Variants in CSMD1 observed in about 807,000 individuals in gnomAD.
CSMD1 encodes CUB and Sushi multiple domains 1.
In CSMD1, 213 loss-of-function variants were observed where a neutral mutation model predicts 417.5. That is an observed-to-expected ratio of 0.51 (90% CI 0.46 to 0.57). CSMD1 has a LOEUF of 0.57. CSMD1 is among the 20% of genes least tolerant of loss of function. The pLI is 0.00. For missense variants in CSMD1, 6,923 were observed against 4,529.7 expected (o/e 1.53, Z -15.17); for synonymous variants, 2,862 against 1,736.8 (o/e 1.65, Z -16.11).
chr8:3,101,047 C>T (rs13249187), intron 46 of CSMD1, among the ~76,000 whole-genome samples: 25,705 of 114,554 alleles, frequency 0.22, 2,353 homozygotes, highest in African/African-American at 0.26. Flanking sequence ...TCACTGAATA[C>T]GTATGGTGTT....
intron 2 of CSMD1, among the ~76,000 whole-genome samples, chr8:4,582,155 C>A (rs188327330): frequency 1.3e-5 from 2 of 151,984 alleles, no homozygotes; most frequent in East Asian, 3.9e-4. Flanking sequence ...CCTTCCCTGG[C>A]ATGTCTGTAG....
At chr8:3,747,074 TAAG>T (rs1797098645) in intron 6 of CSMD1, among the ~76,000 whole-genome samples, 1 of 152,176 alleles carries the variant, frequency 6.6e-6, no homozygotes, top group South Asian at 2.1e-4. Context: ...GTTCTGATGT[TAAG>T]TAGTGGGAGC....
intron 2 of CSMD1, among the ~76,000 whole-genome samples, chr8:4,467,985 G>A (rs952863353): frequency 2.0e-5 from 3 of 152,166 alleles, no homozygotes; most frequent in Non-Finnish European, 4.4e-5. Flanking sequence ...TAAGGACCCT[G>A]TCCTAAGCTG....
chr8:4,215,120 T>C (rs1367025269), intron 3 of CSMD1, among the ~76,000 whole-genome samples: 1 of 152,116 alleles, frequency 6.6e-6, no homozygotes. Flanking sequence ...AGGTCTCAGT[T>C]CTCAGGGTGC....
At chr8:3,682,847 G>T (rs1585069374) in intron 7 of CSMD1, among the ~76,000 whole-genome samples, 1 of 152,318 alleles carries the variant, frequency 6.6e-6, no homozygotes, top group African/African-American at 2.4e-5. Flanking sequence ...ATACACCATG[G>T]AATACTATGT....
intron 10 of CSMD1, among the ~76,000 whole-genome samples, chr8:3,573,891 T>A (rs1800041665): frequency 1.3e-5 from 2 of 152,174 alleles, no homozygotes; most frequent in South Asian, 2.1e-4. Context: ...CAGTTTTTTT[T>A]AAGTGAAATC....
intron 23 of CSMD1, among the ~76,000 whole-genome samples, chr8:3,321,143 C>G (rs968115079): frequency 2.6e-5 from 4 of 152,132 alleles, no homozygotes; most frequent in Non-Finnish European, 4.4e-5. Context: ...CCTGCACCCA[C>G]CATCAGGTGG....
intron 1 of CSMD1, among the ~76,000 whole-genome samples, chr8:4,698,408 G>C (rs1308126370): frequency 2.6e-5 from 4 of 152,180 alleles, no homozygotes; most frequent in East Asian, 1.9e-4. Context: ...GACCTCCAAA[G>C]CTCTGTTCTG....
chr8:3,478,952 G>C (rs1585224986), intron 11 of CSMD1, among the ~76,000 whole-genome samples: 1 of 151,948 alleles, frequency 6.6e-6, no homozygotes, highest in Admixed American at 6.5e-5. Flanking sequence ...ATAGGTGACG[G>C]GGCACTGCAA....
intron 5 of CSMD1, among the ~76,000 whole-genome samples, chr8:3,861,068 G>C (rs1243272506): frequency 6.6e-6 from 1 of 152,054 alleles, no homozygotes; most frequent in Admixed American, 6.6e-5. Flanking sequence ...TCCTTTTTCA[G>C]TATCAGCTGT....
At chr8:3,400,614 G>T (rs905479423) in intron 15 of CSMD1, among the ~76,000 whole-genome samples, 1 of 151,848 alleles carries the variant, frequency 6.6e-6, no homozygotes, top group South Asian at 2.1e-4. Context: ...TTGAAGTAAC[G>T]TTTGGAAATT....
At chr8:3,107,516 G>T (rs75508380) in intron 45 of CSMD1, among the ~76,000 whole-genome samples, 1 of 152,158 alleles carries the variant, frequency 6.6e-6, no homozygotes, top group Non-Finnish European at 1.5e-5. Context: ...TCATGGTAAT[G>T]AAGAGGGACA....
chr8:4,160,792 G>T (rs564444599), intron 3 of CSMD1, among the ~76,000 whole-genome samples: 1 of 152,224 alleles, frequency 6.6e-6, no homozygotes, highest in East Asian at 1.9e-4. Context: ...TTTTACCCGT[G>T]AAGGTGGTGT....
intron 1 of CSMD1, among the ~76,000 whole-genome samples, chr8:4,893,335 T>G (rs879540416): frequency 2.6e-5 from 4 of 152,096 alleles, no homozygotes; most frequent in Non-Finnish European, 4.4e-5. Flanking sequence ...TTTATGTTGT[T>G]TAGTATTTTT....
At chr8:3,264,166 C>G (rs1022175095) in intron 26 of CSMD1, among the ~76,000 whole-genome samples, 2 of 152,074 alleles carry the variant, frequency 1.3e-5, no homozygotes, top group South Asian at 2.1e-4. Context: ...CAATAAAAAT[C>G]TGTATATTGA....
At chr8:4,372,779 T>A (rs1033220292) in intron 3 of CSMD1, among the ~76,000 whole-genome samples, 2 of 150,538 alleles carry the variant, frequency 1.3e-5, no homozygotes, top group Non-Finnish European at 3.0e-5. Context: ...TAACCCAAAG[T>A]GTACAATAAA....
intron 12 of CSMD1, among the ~76,000 whole-genome samples, chr8:3,409,889 T>C (rs996133072): frequency 5.3e-5 from 8 of 152,234 alleles, no homozygotes; most frequent in African/African-American, 1.9e-4. Context: ...AATCGGTGCA[T>C]CTTCTGGATA....
At chr8:3,826,550 T>G (rs888893258) in intron 5 of CSMD1, among the ~76,000 whole-genome samples, 1 of 152,252 alleles carries the variant, frequency 6.6e-6, no homozygotes, top group East Asian at 1.9e-4. Context: ...TCCCGGCTGA[T>G]ATGAGCGCCT....
intron 5 of CSMD1, among the ~76,000 whole-genome samples, chr8:3,847,223 C>T (rs1021562667): frequency 8.5e-5 from 13 of 152,074 alleles, no homozygotes; most frequent in Admixed American, 4.6e-4. Context: ...CATTACAGGG[C>T]AAAGGTGAAG....
Sources: allele counts gnomAD v4.1 joint callset (sites outside exome capture counted in the v4.1 genomes callset), GRCh38; gene constraint gnomAD v4.1.1; transcripts MANE v1.5; gene names NCBI Gene and HGNC (gene_info 2026-07-23, HGNC 2026-07-21).